KALRN: variants seen among roughly 807,000 people sequenced by gnomAD.
The protein encoded by KALRN is kalirin RhoGEF kinase, also known as kalirin.
KALRN carries 70 observed loss-of-function variants against 353.7 expected under a neutral mutation model. The observed-to-expected ratio is 0.20, with a 90% CI of 0.16 to 0.24. KALRN has a LOEUF of 0.24. Ranked by LOEUF, KALRN falls within the 10% of genes least tolerant of loss-of-function variation. The pLI, the probability that KALRN is intolerant of heterozygous loss-of-function variation, is 1.00. For missense variants in KALRN, 2,791 were observed against 3,756.7 expected (o/e 0.74, Z 6.72); for synonymous variants, 1,391 against 1,434.8 (o/e 0.97, Z 0.69).
intron 1 of KALRN, among the ~76,000 whole-genome samples, chr3:124,122,083 G>T (rs2064090381): frequency 6.6e-6 from 1 of 152,200 alleles, no homozygotes; most frequent in Admixed American, 6.5e-5. Flanking sequence ...GAGATGAGTG[G>T]TGCCAGAGAG....
intron 1 of KALRN, among the ~76,000 whole-genome samples, chr3:124,102,673 A>G (rs1415413773): frequency 6.6e-6 from 1 of 152,118 alleles, no homozygotes; most frequent in Admixed American, 6.6e-5. Context: ...GTCAGGGATA[A>G]TTTCCCTCCA....
At chr3:124,619,646 C>T (rs2079056323) in intron 34 of KALRN, among the ~76,000 whole-genome samples, 1 of 151,902 alleles carries the variant, frequency 6.6e-6, no homozygotes, top group South Asian at 2.1e-4. Context: ...GCCACCACAC[C>T]CAGCTAATTT....
intron 49 of KALRN, chr3:124,677,465 C>G (rs932409857): frequency 2.6e-5 from 10 of 387,200 alleles, no homozygotes; most frequent in African/African-American, 1.9e-4. Context: ...CATTGCTGCT[C>G]TCACCTCCCT....
At chr3:124,585,570 T>TC (rs2075089107) in intron 34 of KALRN, among the ~76,000 whole-genome samples, 1 of 151,508 alleles carries the variant, frequency 6.6e-6, no homozygotes, top group East Asian at 1.9e-4. Context: ...GCAACCAATT[T>TC]CCCCCAAAGC....
At chr3:124,069,049 C>T (rs2042613530) in intron 1 of KALRN, among the ~76,000 whole-genome samples, 1 of 152,148 alleles carries the variant, frequency 6.6e-6, no homozygotes, top group Admixed American at 6.5e-5. Flanking sequence ...CATTAGTAAC[C>T]ATACCTAGTA....
At chr3:124,336,068 G>A (rs149104083) in intron 9 of KALRN, among the ~76,000 whole-genome samples, 12 of 152,240 alleles carry the variant, frequency 7.9e-5, no homozygotes, top group African/African-American at 2.6e-4. Flanking sequence ...TGAATAGGGG[G>A]ATAGTCACTG....
chr3:124,093,739 G>A (rs898562740), intron 1 of KALRN, among the ~76,000 whole-genome samples: 3 of 152,166 alleles, frequency 2.0e-5, no homozygotes, highest in African/African-American at 7.2e-5. Flanking sequence ...TAAGGGAGAA[G>A]AGTCATATAC....
intron 1 of KALRN, among the ~76,000 whole-genome samples, chr3:124,039,327 G>A (rs1395854724): frequency 6.6e-6 from 1 of 152,152 alleles, no homozygotes; most frequent in East Asian, 1.9e-4. Context: ...CTCACTGTCT[G>A]TACTCATTTT....
intron 17 of KALRN, among the ~76,000 whole-genome samples, chr3:124,438,127 C>A (rs952986774): frequency 3.9e-5 from 6 of 152,040 alleles, no homozygotes; most frequent in African/African-American, 1.4e-4. Context: ...TCCTCCAGGC[C>A]CTGATACTAG....
intron 1 of KALRN, among the ~76,000 whole-genome samples, chr3:124,140,142 T>G (rs2066447144): frequency 6.6e-6 from 1 of 152,146 alleles, no homozygotes; most frequent in African/African-American, 2.4e-5. Context: ...TTGACTAACT[T>G]CAGTAGCCTA....
At chr3:124,439,157 T>G in intron 18 of KALRN, 120 bp downstream of exon 18, 1 of 898,164 alleles carries the variant, frequency 1.1e-6, no homozygotes, top group Non-Finnish European at 1.6e-6. Flanking sequence ...TTCTCTCTCT[T>G]TCTCTTTCTC....
chr3:124,263,687 A>G (rs2073172673), intron 3 of KALRN, among the ~76,000 whole-genome samples: 1 of 152,208 alleles, frequency 6.6e-6, no homozygotes, highest in African/African-American at 2.4e-5. Context: ...TTTGTGTACC[A>G]TCTCTCATCA....
intron 17 of KALRN, among the ~76,000 whole-genome samples, chr3:124,435,811 A>G (rs1359477016): frequency 6.6e-6 from 1 of 152,212 alleles, no homozygotes; most frequent in African/African-American, 2.4e-5. Context: ...AATCCCAGCA[A>G]GCTTTTTTTT....
intron 11 of KALRN, among the ~76,000 whole-genome samples, chr3:124,387,293 T>A (rs545880837): frequency 6.6e-6 from 1 of 152,336 alleles, no homozygotes; most frequent in African/African-American, 2.4e-5. Context: ...TAAAGTCACA[T>A]TCATGTGAAA....
At chr3:124,395,455 G>A (rs919057940) in intron 12 of KALRN, 112 bp downstream of exon 12, 13 of 803,530 alleles carry the variant, frequency 1.6e-5, no homozygotes, top group Admixed American at 2.4e-5. Flanking sequence ...TGTGAGCTTC[G>A]GTTTCTTTAT....
intron 33 of KALRN, among the ~76,000 whole-genome samples, chr3:124,544,633 TATATAG>T (rs72121470): frequency 0.099 from 15,009 of 152,028 alleles, 789 homozygotes; most frequent in East Asian, 0.19. Context: ...TCTATATATC[TATATAG>T]ATATAGATAT....
chr3:124,070,144 G>T (rs1187077177), intron 1 of KALRN, among the ~76,000 whole-genome samples: 1 of 152,174 alleles, frequency 6.6e-6, no homozygotes, highest in Admixed American at 6.6e-5. Flanking sequence ...AGCTGGATTT[G>T]ATCCCTATAT....
intron 33 of KALRN, among the ~76,000 whole-genome samples, chr3:124,546,773 G>T (rs1003630206): frequency 1.3e-5 from 2 of 152,216 alleles, no homozygotes; most frequent in African/African-American, 4.8e-5. Flanking sequence ...TCAGGGAGAT[G>T]AGAAGCAGGT....
intron 34 of KALRN, among the ~76,000 whole-genome samples, chr3:124,604,749 C>T (rs1055868289): frequency 1.3e-5 from 2 of 151,552 alleles, no homozygotes; most frequent in Non-Finnish European, 2.9e-5. Flanking sequence ...TGCAGTGGTA[C>T]GATCATAGCT....
Sources: allele counts gnomAD v4.1 joint callset (sites outside exome capture counted in the v4.1 genomes callset), GRCh38; gene constraint gnomAD v4.1.1; transcripts MANE v1.5; gene names NCBI Gene and HGNC (gene_info 2026-07-23, HGNC 2026-07-21).